Variants in EVI5 observed in about 807,000 individuals in gnomAD.
EVI5 encodes ecotropic viral integration site 5 protein homolog.
EVI5 carries 73 observed loss-of-function variants against 112.0 expected under a neutral mutation model. The ratio of observed to expected loss-of-function variants is 0.65; its 90% CI spans 0.54 to 0.79. The LOEUF (loss-of-function observed/expected upper bound fraction) is 0.79. Among genes scored for constraint, EVI5 ranks in the 30% least tolerant of loss-of-function variants. The probability of loss-of-function intolerance (pLI) is 0.00; values close to 1 mark genes in which losing one functional copy is unlikely to be tolerated. For synonymous variants in EVI5, 305 were observed against 319.9 expected, an observed-to-expected ratio of 0.95 and a Z score of 0.50; for missense variants, 900 against 968.8, an observed-to-expected ratio of 0.93 and a Z score of 0.94.
At chr1:92,735,645 T>TGTC in intron 2 of EVI5, among the ~76,000 whole-genome samples, 1 of 11,034 alleles carries the variant, frequency 9.1e-5, no homozygotes, top group South Asian at 6.8e-3. Context: ...ATGTCATATA[T>TGTC]ATATATAATT....
At chr1:92,678,622 C>T (rs756064693) in intron 9 of EVI5, among the ~76,000 whole-genome samples, 1 of 151,854 alleles carries the variant, frequency 6.6e-6, no homozygotes, top group Non-Finnish European at 1.5e-5. Flanking sequence ...AGAGTAAGCA[C>T]GATATGCAAC....
At chr1:92,723,114 T>C (rs1675023066) in intron 2 of EVI5, among the ~76,000 whole-genome samples, 1 of 152,198 alleles carries the variant, frequency 6.6e-6, no homozygotes, top group African/African-American at 2.4e-5. Flanking sequence ...TCCATCTCAA[T>C]AGGAAGGGAC....
At chr1:92,730,291 GCTA>G (rs1468999906) in intron 2 of EVI5, among the ~76,000 whole-genome samples, 1 of 151,664 alleles carries the variant, frequency 6.6e-6, no homozygotes, top group Admixed American at 6.6e-5. Flanking sequence ...CCAGGAGAAG[GCTA>G]CAGCAAGCCC....
rs1002747796 is a variant in EVI5 at position 92,521,691 on chromosome 1, C to T, written c.2167-7721G>A. 6.1e-5 allele frequency among the ~76,000 whole-genome samples: 5 copies of T among 81,860 alleles called. No homozygotes were observed. In the Admixed American group the frequency reaches 6.8e-4, roughly 11 times the overall value. The allele number at this position is 81,860 out of a possible 152,430, so 53.7% of individuals were successfully genotyped here. A position where few individuals can be genotyped will look rare whatever the true frequency, so the allele number is the denominator to read the frequency against. ...TGGGCGACAGAGTGAGACTCCGTCT[C>T]AAAAAAAAAAAAAAAATTCAAAGAC... On this transcript the variant is annotated intron_variant, in intron 19 of 19. Coordinates refer to ENST00000684568, the MANE Select transcript of EVI5 (RefSeq NM_001350197.2).
At chr1:92,760,438 T>A (rs963102099) in intron 1 of EVI5, among the ~76,000 whole-genome samples, 1 of 152,084 alleles carries the variant, frequency 6.6e-6, no homozygotes, top group Non-Finnish European at 1.5e-5. Flanking sequence ...ACAACAAAAG[T>A]TGGCTAAAAG....
chr1:92,784,801 TC>T, intron 1 of EVI5, 34 bp downstream of exon 1: 12 of 984,542 alleles, frequency 1.2e-5, no homozygotes, highest in Non-Finnish European at 1.3e-5. Flanking sequence ...CCGCCCGGCC[TC>T]CCGGCCCGCC....
intron 19 of EVI5, among the ~76,000 whole-genome samples, chr1:92,549,071 G>A (rs961894795): frequency 6.6e-6 from 1 of 152,150 alleles, no homozygotes. Flanking sequence ...CAAAGCTGGA[G>A]GCATCACGCT....
intron 19 of EVI5, among the ~76,000 whole-genome samples, chr1:92,560,916 T>C (rs1209473541): frequency 1.3e-5 from 2 of 151,656 alleles, no homozygotes; most frequent in Admixed American, 6.6e-5. Context: ...CTAACTTTCA[T>C]GATTATGAAG....
chr1:92,578,402 T>C (rs944312660), intron 18 of EVI5, among the ~76,000 whole-genome samples: 3 of 152,080 alleles, frequency 2.0e-5, no homozygotes, highest in Admixed American at 1.3e-4. Context: ...GAACTGAACA[T>C]AGCCTGGGCC....
intron 10 of EVI5, among the ~76,000 whole-genome samples, chr1:92,673,185 C>CTTTTTTTTTTTTTTTTT (rs35702596): frequency 3.2e-5 from 4 of 123,588 alleles, no homozygotes; most frequent in African/African-American, 1.3e-4. Context: ...TAACACTTCT[C>CTTTTTTTTTTTTTTTTT]TTTTTTTTTT....
At chr1:92,617,240 C>T (rs1419244068) in intron 16 of EVI5, among the ~76,000 whole-genome samples, 1 of 152,202 alleles carries the variant, frequency 6.6e-6, no homozygotes, top group Non-Finnish European at 1.5e-5. Context: ...TGGTTGTGCA[C>T]TCTGCATGGA....
intron 13 of EVI5, among the ~76,000 whole-genome samples, chr1:92,650,369 TTTTTCAGAGTACAAG>T (rs1661870639): frequency 6.6e-6 from 1 of 152,210 alleles, no homozygotes; most frequent in African/African-American, 2.4e-5. Flanking sequence ...AAACATCCTT[TTTTTCAGAGTACAAG>T]TTTTCAGAGT....
intron 1 of EVI5, among the ~76,000 whole-genome samples, chr1:92,740,147 C>T (rs1238320038): frequency 6.6e-6 from 1 of 152,174 alleles, no homozygotes; most frequent in African/African-American, 2.4e-5. Context: ...ACTGAATGAA[C>T]ACATGAGATG....
At chr1:92,651,974 A>G (rs1210894005) in intron 13 of EVI5, among the ~76,000 whole-genome samples, 1 of 152,196 alleles carries the variant, frequency 6.6e-6, no homozygotes, top group Non-Finnish European at 1.5e-5. Flanking sequence ...ATTACATATG[A>G]TCCAGCAACT....
At chr1:92,756,389 C>T (rs546316906) in intron 1 of EVI5, 15 of 532,206 alleles carry the variant, frequency 2.8e-5, no homozygotes, top group African/African-American at 1.9e-4. Flanking sequence ...GCAAAATTAC[C>T]CCTTTCTAAA....
rs1225851161 is a variant in EVI5, at chr1:92,649,007, G to A, written c.1393-12671C>T. Among the ~76,000 whole-genome samples, 3 of 152,120 alleles carry A rather than the reference G, an allele frequency of 2.0e-5. No individual in the cohort carries two copies. In the South Asian group the frequency reaches 6.2e-4, roughly 32 times the overall value. ...ATTCCTACCAAAAAGAAATGTATGAGGGTTTCAACTTTTCCACCTCATTGC... is the reference window on the plus strand; with the variant it reads ...ATTCCTACCAAAAAGAAATGTATGAAGGTTTCAACTTTTCCACCTCATTGC... On this transcript the variant is annotated intron_variant, in intron 13 of 19. Transcript: ENST00000684568.
chr1:92,752,050 T>C (rs566913419), intron 1 of EVI5, among the ~76,000 whole-genome samples: 1 of 152,134 alleles, frequency 6.6e-6, no homozygotes, highest in Non-Finnish European at 1.5e-5. Context: ...ACTTAAGATA[T>C]TGCCCTCTAT....
chr1:92,714,196 T>TA, intron 2 of EVI5: 1 of 902,394 alleles, frequency 1.1e-6, no homozygotes, highest in Non-Finnish European at 1.3e-6. Flanking sequence ...CACTTATTTT[T>TA]AAAAAGTAAT....
At chr1:92,633,294 T>G (rs1000399573) in intron 14 of EVI5, among the ~76,000 whole-genome samples, 1 of 152,220 alleles carries the variant, frequency 6.6e-6, no homozygotes, top group Non-Finnish European at 1.5e-5. Context: ...CCCATTATTA[T>G]TGTGTGGGAG....
Sources: gnomAD v4.1 joint callset for allele counts (sites outside exome capture counted in the v4.1 genomes callset) on GRCh38, gnomAD v4.1.1 for gene constraint, MANE v1.5 for transcripts, NCBI Gene and HGNC (gene_info 2026-07-23, HGNC 2026-07-21) for gene names.